The following COL4A1 variants were observed in gnomAD, a reference collection of about 807,000 sequenced individuals.
COL4A1 encodes the protein collagen type IV alpha 1 chain.
A neutral mutation model predicts 216.6 loss-of-function variants in COL4A1; 40 were observed. The ratio of observed to expected loss-of-function variants is 0.18; its 90% CI spans 0.14 to 0.24. COL4A1 has a LOEUF of 0.24. COL4A1 is among the 10% of genes least tolerant of loss of function. The pLI is 1.00. For synonymous variants in COL4A1, 839 were observed against 810.7 expected (o/e 1.03, Z -0.59); for missense variants, 1,628 against 2,196.8 (o/e 0.74, Z 5.18).
Position 110,206,704 on chromosome 13 carries a change from C to T in COL4A1, c.819G>A (p.Gly273=), listed in dbSNP as rs773536527. The T allele has an allele frequency of 6.2e-7, 1 of 1,614,090 alleles. No individual in the cohort carries two copies. Among genetic ancestry groups the T allele is most frequent in the Non-Finnish European group, 8.5e-7 (1 of 1,179,998 alleles). The change falls in exon 15 of 52, where the codon GGG becomes GGA. Residue 273 remains glycine (G), a synonymous_variant. Coordinates refer to ENST00000375820, the MANE Select transcript of COL4A1 (RefSeq NM_001845.6). ...TTCCGGGTTCACCTTTCTCTCCGACCCCTGGCATCCCCTTAAAGGAATAAA... is the reference window on the plus strand; with the variant it reads ...TTCCGGGTTCACCTTTCTCTCCGACTCCTGGCATCCCCTTAAAGGAATAAA... ...KGEPGFQGMP[G]VGEKGEPGKP...
chr13:110,166,462 TAC>T (rs1238300593), intron 44 of COL4A1, among the ~76,000 whole-genome samples, 159 bp from the exon 45 acceptor site: 4 of 152,238 alleles, frequency 2.6e-5, no homozygotes, highest in African/African-American at 9.6e-5. Flanking sequence ...TACCCATATA[TAC>T]ACATTCATAC....
intron 28 of COL4A1, 98 bp downstream of exon 28, chr13:110,182,895 G>C (rs117494404): frequency 8.7e-7 from 1 of 1,155,320 alleles, no homozygotes; most frequent in Non-Finnish European, 1.3e-6. Context: ...CCTGAACAGC[G>C]GTCACCAGCT....
At chr13:110,298,138 A>T (rs1023241036) in intron 1 of COL4A1, among the ~76,000 whole-genome samples, 1 of 152,218 alleles carries the variant, frequency 6.6e-6, no homozygotes, top group African/African-American at 2.4e-5. Context: ...GAATTATAGA[A>T]TTTTTTAAAA....
intron 11 of COL4A1, 130 bp downstream of exon 11, chr13:110,209,256 TTAAAGG>T: frequency 1.4e-6 from 1 of 707,618 alleles, no homozygotes; most frequent in Non-Finnish European, 2.5e-6. Flanking sequence ...TGATAGATAC[TTAAAGG>T]TATAGTTAGA....
chr13:110,297,227 G>A (rs566628159), intron 1 of COL4A1, among the ~76,000 whole-genome samples: 1 of 152,136 alleles, frequency 6.6e-6, no homozygotes, highest in Non-Finnish European at 1.5e-5. Context: ...CTGCGGGGTG[G>A]GGGGGCCAGC....
chr13:110,230,938 G>T (rs566195653), intron 2 of COL4A1, among the ~76,000 whole-genome samples: 1 of 152,178 alleles, frequency 6.6e-6, no homozygotes, highest in Non-Finnish European at 1.5e-5. Context: ...CAGATTCAGG[G>T]CAGGGCACCC....
chr13:110,251,231 C>A (rs1882058509), intron 1 of COL4A1, among the ~76,000 whole-genome samples: 1 of 152,242 alleles, frequency 6.6e-6, no homozygotes, highest in Non-Finnish European at 1.5e-5. Context: ...CTACTCCTTC[C>A]ACACCCTGGT....
chr13:110,292,106 G>A (rs956395841), intron 1 of COL4A1, among the ~76,000 whole-genome samples: 4 of 152,168 alleles, frequency 2.6e-5, no homozygotes, highest in Non-Finnish European at 5.9e-5. Flanking sequence ...CATCCTGCCT[G>A]CCGCTGAGAG....
At chr13:110,175,130 G>T in intron 37 of COL4A1, 88 bp downstream of exon 37, 2 of 1,523,138 alleles carry the variant, frequency 1.3e-6, no homozygotes. Flanking sequence ...GGCTCATTGA[G>T]TGTGCTGAGA....
At chr13:110,163,771 G>A (rs1014717133) in intron 46 of COL4A1, among the ~76,000 whole-genome samples, 9 of 152,078 alleles carry the variant, frequency 5.9e-5, no homozygotes, top group African/African-American at 2.2e-4. Flanking sequence ...GGGGGTGTGT[G>A]TTTGGGCACC....
rs1876423196 is a variant in COL4A1 at position 110,149,950 on chromosome 13, A to G, written c.*413T>C. 1 of 320,274 alleles carries G rather than the reference A, an allele frequency of 3.1e-6. No individual in the cohort carries two copies. The highest frequency in any genetic ancestry group is 8.1e-5 in the East Asian group (1 of 12,362). 19.8% of individuals were successfully genotyped at this position (320,274 alleles called of 1,614,324 possible). On this transcript the variant is annotated 3_prime_UTR_variant, in exon 52 of 52. Transcript: ENST00000375820. ...AAGGGACCTAAATTTTGAAACAGCT[A>G]GACAGTGATATAAACAAACATTTAT...
intron 1 of COL4A1, chr13:110,299,031 C>G (rs1034235225): frequency 6.5e-5 from 10 of 152,690 alleles, no homozygotes; most frequent in African/African-American, 2.4e-4. Flanking sequence ...CTTCCTCCCC[C>G]GCCCATCTGA....
At chr13:110,202,053 A>G (rs1879276201) in intron 18 of COL4A1, among the ~76,000 whole-genome samples, 1 of 152,216 alleles carries the variant, frequency 6.6e-6, no homozygotes. Flanking sequence ...CCTGCAAAGG[A>G]TCCTGCCAGG....
intron 1 of COL4A1, among the ~76,000 whole-genome samples, chr13:110,247,836 G>GTGTGTGTGTGTGTGTGT (rs1566411252): frequency 8.9e-5 from 7 of 78,610 alleles, no homozygotes; most frequent in East Asian, 3.7e-4. Flanking sequence ...TGTGTGTGTG[G>GTGTGTGTGTGTGTGTGT]CAGAGAGAGA....
At chr13:110,280,564 T>G (rs898098626) in intron 1 of COL4A1, among the ~76,000 whole-genome samples, 16 of 152,256 alleles carry the variant, frequency 1.1e-4, no homozygotes, top group Non-Finnish European at 1.5e-4. Flanking sequence ...CATGGTTTGC[T>G]TTGGCTTAGC....
intron 24 of COL4A1, among the ~76,000 whole-genome samples, chr13:110,189,982 A>G (rs1431297969): frequency 6.6e-6 from 1 of 152,252 alleles, no homozygotes; most frequent in East Asian, 1.9e-4. Context: ...CTAGTGTAAG[A>G]AATTATAACC....
chr13:110,175,366 A>G lies in COL4A1; in HGVS notation c.3059-9T>C. 3 of 1,614,120 alleles carry G rather than the reference A, an allele frequency of 1.9e-6. No individual in the cohort carries two copies. In the African/African-American group the frequency reaches 4.0e-5, roughly 22 times the overall value. On this transcript the variant is annotated splice_polypyrimidine_tract_variant and intron_variant, in intron 36 of 51. Transcript: ENST00000375820. ...TTTCTCTCCAGGTGTTCCTATAAAC[A>G]CAAACAATTGAAACTTGATTTGGGC... is the stretch of plus-strand genomic sequence containing the variant.
chr13:110,206,379 A>G (rs1879515887), intron 15 of COL4A1, among the ~76,000 whole-genome samples: 1 of 152,230 alleles, frequency 6.6e-6, no homozygotes, highest in Non-Finnish European at 1.5e-5. Flanking sequence ...CTCTCAGAGC[A>G]GGACCGAAGG....
At chr13:110,195,224 G>T in intron 21 of COL4A1, 106 bp from the exon 22 acceptor site, 1 of 910,396 alleles carries the variant, frequency 1.1e-6, no homozygotes, top group Non-Finnish European at 1.8e-6. Flanking sequence ...TTTGACAAGT[G>T]TTAGAAATTC....
Sources: gnomAD v4.1 joint callset for allele counts (sites outside exome capture counted in the v4.1 genomes callset) on GRCh38, gnomAD v4.1.1 for gene constraint, MANE v1.5 for transcripts, NCBI Gene and HGNC (gene_info 2026-07-23, HGNC 2026-07-21) for gene names.